The following NRXN3 variants were observed in gnomAD, a reference collection of about 807,000 sequenced individuals.
NRXN3 encodes the protein neurexin 3, also known as neurexin III.
Under a neutral mutation model 137.6 loss-of-function variants are expected in NRXN3, and 32 were observed. The observed-to-expected ratio is 0.23, with a 90% CI of 0.18 to 0.31. The LOEUF (loss-of-function observed/expected upper bound fraction) is 0.31, where lower values mean the gene tolerates loss of function less well. Among genes scored for constraint, NRXN3 ranks in the 10% least tolerant of loss-of-function variants. NRXN3 has a pLI of 1.00. For synonymous variants in NRXN3, 798 were observed against 784.5 expected, an observed-to-expected ratio of 1.02 and a Z score of -0.29; for missense variants, 1,574 against 2,062.5, an observed-to-expected ratio of 0.76 and a Z score of 4.59.
At chr14:78,317,381 A>G (rs1031230583) in intron 4 of NRXN3, among the ~76,000 whole-genome samples, 2 of 152,174 alleles carry the variant, frequency 1.3e-5, no homozygotes, top group Non-Finnish European at 1.5e-5. Flanking sequence ...CAGTGGCAAC[A>G]TTAGATTCTC....
chr14:79,354,676 G>A (rs1005463933), intron 15 of NRXN3, among the ~76,000 whole-genome samples: 1 of 152,200 alleles, frequency 6.6e-6, no homozygotes, highest in Non-Finnish European at 1.5e-5. Flanking sequence ...AAAAATGTAT[G>A]TGGAAAAGGG....
intron 15 of NRXN3, among the ~76,000 whole-genome samples, chr14:79,358,445 G>A (rs1488670538): frequency 4.0e-5 from 6 of 151,360 alleles, no homozygotes; most frequent in Non-Finnish European, 8.8e-5. Context: ...ATGGTGGCGG[G>A]CGCCTGTAGT....
At chr14:79,305,767 C>T (rs978762473) in intron 15 of NRXN3, among the ~76,000 whole-genome samples, 6 of 152,036 alleles carry the variant, frequency 3.9e-5, no homozygotes, top group African/African-American at 1.4e-4. Flanking sequence ...CCTTATAATT[C>T]CATCCCAGTG....
At chr14:79,023,850 T>G (rs1430545368) in intron 15 of NRXN3, among the ~76,000 whole-genome samples, 1 of 151,990 alleles carries the variant, frequency 6.6e-6, no homozygotes, top group African/African-American at 2.4e-5. Flanking sequence ...GAACTACAAT[T>G]CAAAATGAGA....
chr14:79,846,891 G>A (rs906122928), intron 20 of NRXN3, among the ~76,000 whole-genome samples: 1 of 152,098 alleles, frequency 6.6e-6, no homozygotes, highest in Non-Finnish European at 1.5e-5. Context: ...ATAATTAGTT[G>A]CTTATATTTT....
chr14:79,744,364 C>A (rs554785120), intron 19 of NRXN3, among the ~76,000 whole-genome samples: 17 of 152,250 alleles, frequency 1.1e-4, no homozygotes, highest in African/African-American at 3.9e-4. Flanking sequence ...GCAGTCACAA[C>A]GCTTTAATGT....
chr14:79,845,187 TG>T (rs2099364459), intron 20 of NRXN3, among the ~76,000 whole-genome samples: 1 of 152,246 alleles, frequency 6.6e-6, no homozygotes, highest in Non-Finnish European at 1.5e-5. Flanking sequence ...ACAGGAATGT[TG>T]TGGCTAGTTT....
intron 16 of NRXN3, among the ~76,000 whole-genome samples, chr14:79,649,146 C>T (rs1205528029): frequency 6.6e-6 from 1 of 152,134 alleles, no homozygotes; most frequent in Non-Finnish European, 1.5e-5. Context: ...ACCTTAATCA[C>T]TCCCTCAATG....
intron 15 of NRXN3, among the ~76,000 whole-genome samples, chr14:79,224,003 A>T (rs2070334414): frequency 6.6e-6 from 1 of 152,084 alleles, no homozygotes; most frequent in Non-Finnish European, 1.5e-5. Flanking sequence ...TTTTATTCTC[A>T]GGTGGAAAAA....
chr14:79,020,138 C>T (rs1227133781), intron 15 of NRXN3, among the ~76,000 whole-genome samples: 291 of 10,344 alleles, frequency 0.028, 20 homozygotes, highest in African/African-American at 0.17. Flanking sequence ...CCTTCCCTTC[C>T]CTTCCCTTCC....
At chr14:78,846,659 A>T (rs530392236) in intron 10 of NRXN3, among the ~76,000 whole-genome samples, 113 of 152,136 alleles carry the variant, frequency 7.4e-4, no homozygotes, top group African/African-American at 2.5e-3. Context: ...GATTCCTAGC[A>T]TCTCTGAGGT....
intron 1 of NRXN3, among the ~76,000 whole-genome samples, chr14:78,221,314 T>C (rs539463964): frequency 6.6e-5 from 10 of 152,166 alleles, no homozygotes; most frequent in African/African-American, 2.4e-4. Context: ...TTTCCTGAGA[T>C]AGGTATTTGC....
intron 15 of NRXN3, among the ~76,000 whole-genome samples, chr14:79,035,283 T>C (rs1374526959): frequency 6.6e-6 from 1 of 152,118 alleles, no homozygotes; most frequent in Non-Finnish European, 1.5e-5. Context: ...GATATTAAGA[T>C]AAATTATTTT....
At chr14:79,658,131 T>C (rs2098515637) in intron 16 of NRXN3, among the ~76,000 whole-genome samples, 1 of 152,174 alleles carries the variant, frequency 6.6e-6, no homozygotes, top group African/African-American at 2.4e-5. Flanking sequence ...AATTATAACA[T>C]GTAAAAGCTG....
rs1453659491 is a variant in NRXN3 at position 78,734,198 on chromosome 14, G to T, written c.2044+19059G>T. Among the ~76,000 whole-genome samples the T allele has an allele frequency of 3.7e-5, 5 of 135,556 alleles. No homozygotes were observed. In the East Asian group the frequency reaches 1.1e-3, roughly 31 times the overall value. 88.9% of individuals were successfully genotyped at this position (135,556 alleles called of 152,430 possible). A position where few individuals can be genotyped will look rare whatever the true frequency, so the allele number is the denominator to read the frequency against. On this transcript the variant is annotated intron_variant, in intron 8 of 20. Coordinates refer to ENST00000335750, the MANE Select transcript of NRXN3 (RefSeq NM_001330195.2). ...TTAAAAGAGCCAAACACACGTATCT[G>T]CATCTGAAACACACACACACACACA...
In NRXN3 at chr14:78,941,135, T is replaced by C. The variant is rs1217279354; in HGVS notation, c.2276-16107T>C. Among the ~76,000 whole-genome samples the C allele has an allele frequency of 2.6e-5, 4 of 152,296 alleles. No homozygotes were observed. In the East Asian group the frequency reaches 7.7e-4, roughly 29 times the overall value. On this transcript the variant is annotated intron_variant, in intron 10 of 20. Coordinates refer to ENST00000335750, the MANE Select transcript of NRXN3 (RefSeq NM_001330195.2). The stretch of plus-strand genomic sequence containing the variant: ...CATGTCTAGGCCTTGGACTAGATTC[T>C]GAAAAAAATAGGCACAATCACTGGC...
intron 16 of NRXN3, among the ~76,000 whole-genome samples, chr14:79,593,539 G>A (rs561524180): frequency 6.7e-6 from 1 of 149,424 alleles, no homozygotes; most frequent in Non-Finnish European, 1.5e-5. Flanking sequence ...GCTGAGGCGG[G>A]AGAATGGCGT....
intron 15 of NRXN3, chr14:79,279,321 CG>C: frequency 1.0e-6 from 1 of 982,394 alleles, no homozygotes; most frequent in Non-Finnish European, 1.2e-6. Flanking sequence ...GATTTGCTCT[CG>C]GGAGTGCGCT....
chr14:78,214,624 G>A (rs576892984), intron 1 of NRXN3, among the ~76,000 whole-genome samples: 13 of 152,270 alleles, frequency 8.5e-5, no homozygotes, highest in Non-Finnish European at 1.9e-4. Flanking sequence ...GTGGATATTC[G>A]ATCAGTAAAA....
Sources: allele counts gnomAD v4.1 joint callset (sites outside exome capture counted in the v4.1 genomes callset), GRCh38; gene constraint gnomAD v4.1.1; transcripts MANE v1.5; gene names NCBI Gene and HGNC (gene_info 2026-07-23, HGNC 2026-07-21).